MDGA2: variants seen among roughly 807,000 people sequenced by gnomAD.
MDGA2 encodes MAM domain containing glycosylphosphatidylinositol anchor 2, also known as MAM domain-containing glycosylphosphatidylinositol anchor protein 2.
In MDGA2, 40 loss-of-function variants were observed where a neutral mutation model predicts 117.8. The observed-to-expected ratio is 0.34, with a 90% CI of 0.26 to 0.44. The LOEUF (loss-of-function observed/expected upper bound fraction) is 0.44. Ranked by LOEUF, MDGA2 falls within the 20% of genes least tolerant of loss-of-function variation. The pLI is 1.00. For synonymous variants in MDGA2, 452 were observed against 439.0 expected (o/e 1.03, Z -0.37); for missense variants, 1,123 against 1,250.6 (o/e 0.90, Z 1.54).
At chr14:46,885,462 A>G (rs1031716715) in intron 10 of MDGA2, among the ~76,000 whole-genome samples, 1 of 152,170 alleles carries the variant, frequency 6.6e-6, no homozygotes, top group Non-Finnish European at 1.5e-5. Context: ...GTAAGTAACT[A>G]AAGAAGAGGC....
chr14:47,652,968 C>A (rs775074235), intron 1 of MDGA2, among the ~76,000 whole-genome samples: 28 of 152,276 alleles, frequency 1.8e-4, no homozygotes, highest in Non-Finnish European at 3.2e-4. Context: ...AAGTCTGAGA[C>A]AGATTCAGGC....
At chr14:46,945,603 A>T (rs894283979) in intron 9 of MDGA2, among the ~76,000 whole-genome samples, 2 of 152,026 alleles carry the variant, frequency 1.3e-5, no homozygotes, top group Admixed American at 1.3e-4. Context: ...TGTCCTGCAG[A>T]TAGATGCTTT....
chr14:46,900,415 T>C (rs1452706427), intron 10 of MDGA2, among the ~76,000 whole-genome samples: 1 of 152,158 alleles, frequency 6.6e-6, no homozygotes, highest in Non-Finnish European at 1.5e-5. Flanking sequence ...CATGAATGCT[T>C]ATAGTACCTT....
chr14:46,885,197 AG>A (rs1269206926), intron 10 of MDGA2, among the ~76,000 whole-genome samples: 1 of 152,086 alleles, frequency 6.6e-6, no homozygotes, highest in Non-Finnish European at 1.5e-5. Context: ...ATGAAGAAAA[AG>A]ATTGAGAAAT....
At chr14:47,299,054 T>C (rs745782464) in intron 2 of MDGA2, among the ~76,000 whole-genome samples, 7 of 152,114 alleles carry the variant, frequency 4.6e-5, no homozygotes, top group East Asian at 1.9e-4. Context: ...TAATTACTTC[T>C]AGGAATAAAA....
chr14:47,247,460 A>G (rs993721549), intron 2 of MDGA2, among the ~76,000 whole-genome samples: 7 of 151,092 alleles, frequency 4.6e-5, no homozygotes, highest in Non-Finnish European at 1.0e-4. Flanking sequence ...ACCTGCCACC[A>G]TGCCCGCTAA....
At chr14:46,988,034 A>T (rs927633949) in intron 8 of MDGA2, among the ~76,000 whole-genome samples, 13 of 151,900 alleles carry the variant, frequency 8.6e-5, no homozygotes, top group African/African-American at 2.9e-4. Context: ...AAAATGAGTA[A>T]TATAATATTG....
chr14:46,954,567 T>G (rs1885491953), intron 9 of MDGA2, among the ~76,000 whole-genome samples: 1 of 152,000 alleles, frequency 6.6e-6, no homozygotes, highest in South Asian at 2.1e-4. Context: ...CAGGGGTTCT[T>G]CAGATTGTGG....
chr14:47,496,700 T>C (rs944486950), intron 1 of MDGA2, among the ~76,000 whole-genome samples: 2 of 151,002 alleles, frequency 1.3e-5, no homozygotes, highest in South Asian at 2.1e-4. Context: ...AATTATAATA[T>C]ATATATTACT....
At chr14:47,504,858 T>C (rs1894478449) in intron 1 of MDGA2, among the ~76,000 whole-genome samples, 1 of 152,074 alleles carries the variant, frequency 6.6e-6, no homozygotes, top group Admixed American at 6.5e-5. Context: ...ACATACAAAG[T>C]AAATGAAATC....
intron 2 of MDGA2, among the ~76,000 whole-genome samples, chr14:47,295,939 T>C (rs946493369): frequency 7.1e-6 from 1 of 140,152 alleles, no homozygotes; most frequent in Non-Finnish European, 1.6e-5. Context: ...ATAAGATAGA[T>C]AGATAGATAG....
intron 5 of MDGA2, among the ~76,000 whole-genome samples, chr14:47,101,110 T>TAGATAGAC (rs1880289392): frequency 7.4e-6 from 1 of 134,956 alleles, no homozygotes; most frequent in Admixed American, 7.4e-5. Context: ...GATAGATAGA[T>TAGATAGAC]AGATAGATAG....
At chr14:47,303,658 T>A (rs771980953) in intron 1 of MDGA2, among the ~76,000 whole-genome samples, 3 of 152,088 alleles carry the variant, frequency 2.0e-5, no homozygotes, top group Non-Finnish European at 4.4e-5. Context: ...TATAAATGCT[T>A]GCAAAATAAA....
At chr14:47,504,505 C>T (rs1342445913) in intron 1 of MDGA2, among the ~76,000 whole-genome samples, 3 of 151,800 alleles carry the variant, frequency 2.0e-5, no homozygotes, top group Admixed American at 6.6e-5. Context: ...ATGCTATATC[C>T]GAAGTCTCGA....
At chr14:47,372,313 TTGCAGCA>T (rs1163244632) in intron 1 of MDGA2, among the ~76,000 whole-genome samples, 2 of 151,762 alleles carry the variant, frequency 1.3e-5, no homozygotes, top group African/African-American at 4.8e-5. Context: ...GATAAAATAT[TTGCAGCA>T]CAAATGATAA....
chr14:47,092,998 G>T (rs1879751336), intron 6 of MDGA2, among the ~76,000 whole-genome samples: 1 of 152,004 alleles, frequency 6.6e-6, no homozygotes, highest in Admixed American at 6.6e-5. Context: ...TGTCACCAAG[G>T]AATTGGGGAA....
intron 8 of MDGA2, among the ~76,000 whole-genome samples, chr14:47,009,446 T>A (rs1341058714): frequency 6.6e-6 from 1 of 152,068 alleles, no homozygotes; most frequent in African/African-American, 2.4e-5. Flanking sequence ...TATGGAATCC[T>A]GACATGCTAT....
At chr14:47,488,622 A>G (rs1894107100) in intron 1 of MDGA2, among the ~76,000 whole-genome samples, 1 of 152,150 alleles carries the variant, frequency 6.6e-6, no homozygotes, top group Non-Finnish European at 1.5e-5. Flanking sequence ...ATAAATGCAA[A>G]TAAGATCTTA....
intron 10 of MDGA2, among the ~76,000 whole-genome samples, chr14:46,887,202 G>T (rs1204354375): frequency 6.6e-6 from 1 of 151,806 alleles, no homozygotes; most frequent in Non-Finnish European, 1.5e-5. Context: ...TCTTTACCAT[G>T]TGCCACTATT....
Sources: allele counts gnomAD v4.1 joint callset (sites outside exome capture counted in the v4.1 genomes callset), GRCh38; gene constraint gnomAD v4.1.1; transcripts MANE v1.5; gene names NCBI Gene and HGNC (gene_info 2026-07-23, HGNC 2026-07-21).